ITPR1: variants seen among roughly 807,000 people sequenced by gnomAD.
ITPR1 encodes inositol 1,4,5-trisphosphate receptor type 1, also known as inositol 1,4,5-trisphosphate-gated calcium channel ITPR1.
A neutral mutation model predicts 318.4 loss-of-function variants in ITPR1; 96 were observed. The ratio of observed to expected loss-of-function variants is 0.30; its 90% confidence interval spans 0.26 to 0.36. The LOEUF is 0.36. Among genes scored for constraint, ITPR1 ranks in the 10% least tolerant of loss-of-function variants. The probability of loss-of-function intolerance (pLI) is 1.00; values close to 1 mark genes in which losing one functional copy is unlikely to be tolerated. For synonymous variants in ITPR1, 1,312 were observed against 1,289.9 expected (o/e 1.02, Z -0.37); for missense variants, 2,440 against 3,460.2 (o/e 0.71, Z 7.40).
At chr3:4,550,582 A>C (rs1224397599) in intron 4 of ITPR1, among the ~76,000 whole-genome samples, 2 of 152,360 alleles carry the variant, frequency 1.3e-5, no homozygotes, top group Middle Eastern at 3.4e-3. Context: ...GATTTCGTTC[A>C]TGGGACAAAT....
intron 7 of ITPR1, among the ~76,000 whole-genome samples, chr3:4,643,572 T>C (rs2093385327): frequency 6.8e-6 from 1 of 147,792 alleles, no homozygotes; most frequent in Non-Finnish European, 1.5e-5. Context: ...CTGTGTTACA[T>C]CACATAATGA....
chr3:4,643,976 G>T (rs1428102257), intron 7 of ITPR1, among the ~76,000 whole-genome samples, 160 bp from the exon 8 acceptor site: 2 of 152,052 alleles, frequency 1.3e-5, no homozygotes, highest in Non-Finnish European at 2.9e-5. Context: ...CACAGGGTCA[G>T]GTTTTAAAGA....
intron 54 of ITPR1, among the ~76,000 whole-genome samples, chr3:4,805,401 C>A (rs2048492677): frequency 6.6e-6 from 1 of 152,178 alleles, no homozygotes; most frequent in Non-Finnish European, 1.5e-5. Context: ...CCATTTGGTC[C>A]TGTGTCTATC....
intron 37 of ITPR1, among the ~76,000 whole-genome samples, chr3:4,708,958 T>A (rs1355869181): frequency 1.3e-5 from 2 of 152,240 alleles, no homozygotes; most frequent in Non-Finnish European, 2.9e-5. Context: ...GCTATACATT[T>A]GACAGTACAA....
intron 4 of ITPR1, among the ~76,000 whole-genome samples, chr3:4,564,695 G>A (rs1467597128): frequency 2.0e-5 from 3 of 152,110 alleles, no homozygotes; most frequent in Non-Finnish European, 4.4e-5. Flanking sequence ...GAACCTGCTG[G>A]CATCTTGATC....
At chr3:4,546,457 A>G (rs1232504191) in intron 4 of ITPR1, among the ~76,000 whole-genome samples, 1 of 152,206 alleles carries the variant, frequency 6.6e-6, no homozygotes, top group South Asian at 2.1e-4. Flanking sequence ...AGGTAGAGCC[A>G]AGACTTGGAG....
chr3:4,508,268 A>C (rs921051702), intron 2 of ITPR1, among the ~76,000 whole-genome samples: 8 of 152,066 alleles, frequency 5.3e-5, no homozygotes, highest in African/African-American at 1.9e-4. Flanking sequence ...AAAAACTGGC[A>C]GGTCTGTGGT....
chr3:4,690,427 A>G (rs1017471341), intron 31 of ITPR1, among the ~76,000 whole-genome samples: 1 of 152,198 alleles, frequency 6.6e-6, no homozygotes, highest in Admixed American at 6.5e-5. Context: ...TAGCCACAAT[A>G]AGATGTGGCT....
At position 4,795,090 on chromosome 3, in the gene ITPR1, C is replaced by T; in HGVS notation, c.6834C>T (p.Ala2278=). The change falls in exon 53 of 62, where the codon GCC becomes GCT. Residue 2278 remains alanine, a synonymous_variant. Coordinates refer to ENST00000649015, the MANE Select transcript of ITPR1 (RefSeq NM_001378452.1). The part of the protein sequence containing the change: ...LRAQPVLYWC[A]RNMSFWSSIS... ...CCCAGCCCGTGTTGTACTGGTGTGC[C>T]CGCAACATGTCTTTCTGGAGCAGCA... The T allele has an allele frequency of 6.2e-7, 1 of 1,613,674 alleles. No individual in the cohort carries two copies. Among genetic ancestry groups the T allele is most frequent in the Non-Finnish European group, 8.5e-7 (1 of 1,179,702 alleles).
At chr3:4,819,379 C>T (rs778872370) in intron 60 of ITPR1, among the ~76,000 whole-genome samples, 11 of 152,206 alleles carry the variant, frequency 7.2e-5, no homozygotes, top group Non-Finnish European at 1.6e-4. Flanking sequence ...ACATATGAAT[C>T]ACCTGTGGAG....
At chr3:4,680,951 C>T (rs1485034878) in intron 25 of ITPR1, among the ~76,000 whole-genome samples, 1 of 152,056 alleles carries the variant, frequency 6.6e-6, no homozygotes, top group Non-Finnish European at 1.5e-5. Context: ...TTGTGGCTAC[C>T]CACCTCCCCC....
At chr3:4,634,072 G>C (rs1051512304) in intron 5 of ITPR1, among the ~76,000 whole-genome samples, 4 of 152,182 alleles carry the variant, frequency 2.6e-5, no homozygotes, top group Non-Finnish European at 4.4e-5. Flanking sequence ...GTGAATAATA[G>C]TGGTGGAACC....
chr3:4,588,918 C>T (rs1227468986), intron 4 of ITPR1, among the ~76,000 whole-genome samples: 4 of 152,134 alleles, frequency 2.6e-5, no homozygotes, highest in Admixed American at 2.0e-4. Context: ...AGTTATAGTC[C>T]CAATTTGCCT....
intron 2 of ITPR1, among the ~76,000 whole-genome samples, chr3:4,515,368 T>A (rs2082105694): frequency 6.6e-6 from 1 of 152,040 alleles, no homozygotes; most frequent in African/African-American, 2.4e-5. Context: ...GTGGGGTAAA[T>A]GGCTTCTGGA....
At chr3:4,629,828 G>A in intron 5 of ITPR1, among the ~76,000 whole-genome samples, 1 of 152,216 alleles carries the variant, frequency 6.6e-6, no homozygotes, top group East Asian at 1.9e-4. Context: ...GAGGAAGAAG[G>A]AAGTGCCGAG....
At chr3:4,755,282 T>C (rs1475747132) in intron 44 of ITPR1, among the ~76,000 whole-genome samples, 2 of 151,904 alleles carry the variant, frequency 1.3e-5, no homozygotes, top group Non-Finnish European at 2.9e-5. Context: ...ACCACGCTGC[T>C]TACCAGATAG....
At chr3:4,842,711 AG>A (rs1302940111) in intron 61 of ITPR1, among the ~76,000 whole-genome samples, 1 of 152,214 alleles carries the variant, frequency 6.6e-6, no homozygotes, top group Non-Finnish European at 1.5e-5. Context: ...TACTCAAAAT[AG>A]ATGTTTCAAT....
chr3:4,691,714 T>TAG (rs1316841876), intron 32 of ITPR1, among the ~76,000 whole-genome samples: 2 of 152,328 alleles, frequency 1.3e-5, no homozygotes, highest in East Asian at 3.9e-4. Flanking sequence ...CCTAATTAAT[T>TAG]AGATGGAAAA....
At chr3:4,746,257 A>G (rs1283702327) in intron 44 of ITPR1, among the ~76,000 whole-genome samples, 1 of 152,076 alleles carries the variant, frequency 6.6e-6, no homozygotes, top group East Asian at 1.9e-4. Flanking sequence ...TGGAACCCTC[A>G]CTACCTGCTT....
Sources: allele counts gnomAD v4.1 joint callset (sites outside exome capture counted in the v4.1 genomes callset), GRCh38; gene constraint gnomAD v4.1.1; transcripts MANE v1.5; gene names NCBI Gene and HGNC (gene_info 2026-07-23, HGNC 2026-07-21).